The following RAPGEF3 variants were observed in gnomAD, a reference collection of about 807,000 sequenced individuals.
RAPGEF3 encodes 9330170P05Rik.
RAPGEF3 carries 103 observed loss-of-function variants against 129.8 expected under a neutral mutation model. That is an observed-to-expected ratio of 0.79 (90% CI 0.68 to 0.93). The LOEUF is 0.93. RAPGEF3 is among the 40% of genes least tolerant of loss of function. RAPGEF3 has a pLI of 0.00. For missense variants in RAPGEF3, 1,117 were observed against 1,207.4 expected (o/e 0.93, Z 1.11); for synonymous variants, 436 against 482.6 (o/e 0.90, Z 1.26).
intron 22 of RAPGEF3, 54 bp from the exon 23 acceptor site, chr12:47,740,245 A>G (rs1373516420): frequency 6.2e-7 from 1 of 1,612,066 alleles, no homozygotes; most frequent in East Asian, 2.2e-5. Flanking sequence ...AGCCCCATCC[A>G]GCACTCCCAG....
intron 16 of RAPGEF3, chr12:47,745,644 C>T (rs1483703462): frequency 2.0e-5 from 3 of 152,222 alleles, no homozygotes; most frequent in South Asian, 2.1e-4. Flanking sequence ...GGCTCTTCCC[C>T]TCCCGTTTTC....
intron 1 of RAPGEF3, 98 bp downstream of exon 1, chr12:47,758,453 C>G: frequency 6.3e-7 from 1 of 1,584,990 alleles, no homozygotes; most frequent in Non-Finnish European, 8.6e-7. Flanking sequence ...CTCCTCAGCC[C>G]TGACTAACCC....
rs1438351314 is a variant in RAPGEF3, at chr12:47,751,140, T to C, written c.579A>G (p.Arg193=). The change falls in exon 6 of 28, where the codon AGA becomes AGG. Residue 193 remains arginine, a synonymous_variant. Coordinates refer to ENST00000449771, the MANE Select transcript of RAPGEF3 (RefSeq NM_001098531.4). ...RFPGPEPEPV[R]THEMEEELAE... The stretch of plus-strand genomic sequence containing the variant: ...CCAACTCCTCCTCCATCTCATGAGT[T>C]CTCACGGGCTCGGGCTCGGGCCCGG... 7.7e-6 allele frequency: 12 copies of C among 1,566,112 alleles called. No homozygotes were observed. Among genetic ancestry groups the C allele is most frequent in the Non-Finnish European group, 8.7e-7 (1 of 1,155,876 alleles).
At chr12:47,745,321 C>G (rs1333551658) in intron 16 of RAPGEF3, 2 of 152,394 alleles carry the variant, frequency 1.3e-5, no homozygotes, top group African/African-American at 4.8e-5. Flanking sequence ...GGAGAAAGCC[C>G]AGGCTCTTTA....
intron 6 of RAPGEF3, 93 bp downstream of exon 6, chr12:47,750,955 G>A: frequency 6.6e-7 from 1 of 1,517,304 alleles, no homozygotes; most frequent in African/African-American, 1.4e-5. Flanking sequence ...TCCACAACAG[G>A]TAAGGGATGC....
At chr12:47,758,405 C>T (rs1401990393) in intron 1 of RAPGEF3, 146 bp downstream of exon 1, 4 of 1,534,900 alleles carry the variant, frequency 2.6e-6, no homozygotes, top group Non-Finnish European at 3.5e-6. Flanking sequence ...CACTAGGTCT[C>T]CCAGAAATGC....
chr12:47,744,559 G>A (rs1018312975), intron 16 of RAPGEF3: 5 of 174,140 alleles, frequency 2.9e-5, no homozygotes, highest in Admixed American at 2.2e-4. Context: ...TGGCAGAGTT[G>A]GAATCCCTCC....
rs1383787371 is a variant in RAPGEF3, at chr12:47,736,859, G to C, written c.*708C>G. On this transcript the variant is annotated 3_prime_UTR_variant, in exon 28 of 28. Transcript: ENST00000449771. ...GCTCCAGGCTCCAGCCCGCCCTTTG[G>C]CCAGAGCCCTGGAGGCACATCTGGG... 1 of 152,384 alleles carries C rather than the reference G, an allele frequency of 6.6e-6. No individual in the cohort carries two copies. Among genetic ancestry groups the C allele is most frequent in the African/African-American group, 2.4e-5 (1 of 41,470 alleles). 9.4% of individuals were successfully genotyped at this position (152,384 alleles called of 1,614,324 possible). A position where few individuals can be genotyped will look rare whatever the true frequency, so the allele number is the denominator to read the frequency against.
chr12:47,751,272 A>G (rs1443688274), intron 5 of RAPGEF3, 56 bp from the exon 6 acceptor site: 5 of 1,547,530 alleles, frequency 3.2e-6, no homozygotes, highest in Non-Finnish European at 4.4e-6. Flanking sequence ...CTATGTGGGT[A>G]TGAAACCCCA....
rs146898882 is a variant in RAPGEF3, at chr12:47,744,065, G to A, written c.1600C>T (p.Arg534Trp). The A allele has an allele frequency of 1.4e-5, 22 of 1,598,532 alleles. No homozygotes were observed. The highest frequency in any genetic ancestry group is 6.7e-5 in the East Asian group (3 of 44,758). ...CGNASPQMKA[R>W]NLPVWLPNQD... ...TTGGGGAGCCAAACAGGCAAGTTCC[G>A]GGCCTGGGAGGAAGAGGAACGAGAA... The change falls in exon 17 of 28, where the codon CGG becomes TGG. Residue 534 changes from arginine to tryptophan, a missense_variant. Transcript: ENST00000449771.
chr12:47,737,783 C>T (rs1940870739), intron 27 of RAPGEF3, 98 bp from the exon 28 acceptor site: 1 of 1,219,008 alleles, frequency 8.2e-7, no homozygotes, highest in Non-Finnish European at 1.2e-6. Flanking sequence ...TCTTGCCCTC[C>T]ACCACCCACC....
chr12:47,749,657 T>C lies in RAPGEF3; in HGVS notation c.894+84A>G. 6.3e-7 allele frequency: 1 copy of C among 1,592,182 alleles called. No individual in the cohort carries two copies. The highest frequency in any genetic ancestry group is 8.6e-7 in the Non-Finnish European group (1 of 1,167,496). The stretch of plus-strand genomic sequence containing the variant: ...GAGACACGGGGTCAGCAGCAGTAGA[T>C]CAACAAAGGCACTGCCCATGAGGAC... On this transcript the variant is annotated intron_variant, in intron 9 of 27. Transcript: ENST00000449771. The surrounding 1 kb of genome is among the most constrained non-coding windows in gnomAD (Gnocchi z 4.5).
chr12:47,740,689 G>T lies in RAPGEF3; in HGVS notation c.2184C>A (p.Pro728=). ...VATELCLCPV[P]GPRAQLLRKF... ...TCCTGAGCAGCTGGGCCCGGGGGCC[G>T]GGCACGGGGCAGAGACACAGCTCGG... The change falls in exon 21 of 28, where the codon CCC becomes CCA. Residue 728 remains proline (P), a synonymous_variant. Transcript: ENST00000449771. 3.1e-6 allele frequency: 5 copies of T among 1,613,836 alleles called. No homozygotes were observed. Among genetic ancestry groups the T allele is most frequent in the Non-Finnish European group, 4.2e-6 (5 of 1,179,960 alleles).
intron 2 of RAPGEF3, 104 bp downstream of exon 2, chr12:47,757,762 C>A (rs1257513636): frequency 3.7e-5 from 42 of 1,139,770 alleles, no homozygotes; most frequent in Non-Finnish European, 5.1e-5. Flanking sequence ...CCACTGTACA[C>A]CCCCAGAGCA....
At chr12:47,754,714 G>C (rs1363721173) in intron 2 of RAPGEF3, among the ~76,000 whole-genome samples, 11 of 152,174 alleles carry the variant, frequency 7.2e-5, no homozygotes, top group Admixed American at 2.0e-4. Flanking sequence ...ATTATTTCAT[G>C]ATGGGCCCTA....
intron 24 of RAPGEF3, 186 bp downstream of exon 24, chr12:47,738,957 C>G: frequency 2.9e-6 from 2 of 690,918 alleles, no homozygotes; most frequent in Non-Finnish European, 4.9e-6. Context: ...CTTCATTCTT[C>G]CAGTCTAAGA....
rs542418673 is a variant in RAPGEF3, at chr12:47,741,776, C to T, written c.1826-174G>A. On this transcript the variant is annotated intron_variant, in intron 18 of 27. Coordinates refer to ENST00000449771, the MANE Select transcript of RAPGEF3 (RefSeq NM_001098531.4). The stretch of plus-strand genomic sequence containing the variant: ...AGGTGCATGTGCCCACGCAGCCACG[C>T]AGCCCAGGGAAGCACATCCAAGAGG... 1.1e-5 allele frequency: 7 copies of T among 621,824 alleles called. No homozygotes were observed. The Admixed American group carries it at 1.2e-4, about 11-fold the overall frequency. The allele number at this position is 621,824 out of a possible 1,614,324, so 38.5% of individuals were successfully genotyped here.
chr12:47,747,849 G>A lies in RAPGEF3; in HGVS notation c.1336C>T (p.Pro446Ser), dbSNP rs374818101. The change falls in exon 14 of 28, where the codon CCT becomes TCT. Residue 446 changes from proline to serine, a missense_variant. By Grantham distance (74) the Pro-to-Ser change is moderately conservative (BLOSUM62 -1). Coordinates refer to ENST00000449771, the MANE Select transcript of RAPGEF3 (RefSeq NM_001098531.4). The stretch of plus-strand genomic sequence containing the variant: ...CGCTCCTGCTCGCTGCCACCCGCAG[G>A]CTCCACATGGAAGGTGGGCACCAGT... ...AALLHHFHVE[P>S]AGGSEQERST... 6.2e-7 allele frequency: 1 copy of A among 1,603,580 alleles called. No homozygotes were observed. The highest frequency in any genetic ancestry group is 1.1e-5 in the South Asian group (1 of 91,078).
At chr12:47,740,510 G>C in intron 21 of RAPGEF3, 115 bp from the exon 22 acceptor site, 1 of 1,479,810 alleles carries the variant, frequency 6.8e-7, no homozygotes, top group Non-Finnish European at 9.3e-7. Context: ...GGGGTGGGAA[G>C]GCAGAGGCTC....
Sources: gnomAD v4.1 joint callset for allele counts (sites outside exome capture counted in the v4.1 genomes callset) on GRCh38, gnomAD v4.1.1 for gene constraint, Gnocchi (gnomAD v3.1) non-coding constraint, MANE v1.5 for transcripts, NCBI Gene and HGNC (gene_info 2026-07-23, HGNC 2026-07-21) for gene names.